The following ZDHHC11 variants were observed in gnomAD, a reference collection of about 807,000 sequenced individuals.
ZDHHC11 encodes the protein zDHHC palmitoyltransferase 11.
ZDHHC11 carries 44 observed loss-of-function variants against 51.3 expected under a neutral mutation model. The ratio of observed to expected loss-of-function variants is 0.86; its 90% CI spans 0.67 to 1.10. ZDHHC11 has a LOEUF of 1.10. ZDHHC11 is among the 50% of genes least tolerant of loss of function. The pLI, the probability that ZDHHC11 is intolerant of heterozygous loss-of-function variation, is 0.00. For missense variants in ZDHHC11, 400 were observed against 537.7 expected, an observed-to-expected ratio of 0.74 and a Z score of 2.53; for synonymous variants, 163 against 222.0, an observed-to-expected ratio of 0.73 and a Z score of 2.36.
At chr5:840,810 C>T (rs1183759556) in intron 4 of ZDHHC11, 160 bp from the exon 5 acceptor site, 2 of 1,498,186 alleles carry the variant, frequency 1.3e-6, no homozygotes, top group Non-Finnish European at 9.0e-7. Flanking sequence ...TACCTGAGTG[C>T]CCCGTAGGCC....
At position 837,632 on chromosome 5, in the gene ZDHHC11, G is replaced by C. The variant is rs1744081064; in HGVS notation, c.785-152C>G. ...CCACCATGCAGGCCCTGTGAGGTCA[G>C]GATGAGTGCAGGTGCCTTGTGGGCC... On this transcript the variant is annotated intron_variant, in intron 5 of 12. Transcript: ENST00000283441. 4.9e-6 allele frequency: 4 copies of C among 823,758 alleles called. 1 individual carries two copies. Among genetic ancestry groups the C allele is most frequent in the Non-Finnish European group, 7.8e-6 (4 of 511,002 alleles). 51.0% of individuals were successfully genotyped at this position (823,758 alleles called of 1,614,324 possible).
chr5:812,873 T>C (rs1217538901), intron 11 of ZDHHC11, among the ~76,000 whole-genome samples: 43 of 150,752 alleles, frequency 2.9e-4, no homozygotes, highest in African/African-American at 1.0e-3. Flanking sequence ...CACATCTATA[T>C]GAAACGTCAT....
intron 12 of ZDHHC11, among the ~76,000 whole-genome samples, chr5:799,917 T>C (rs1738170123): frequency 6.6e-6 from 1 of 151,486 alleles, no homozygotes; most frequent in South Asian, 2.1e-4. Flanking sequence ...TTGTCTCCAA[T>C]TATGATTTTG....
chr5:852,282 G>A (rs768037028), upstream of ZDHHC11, among the ~76,000 whole-genome samples: 1 of 152,208 alleles, frequency 6.6e-6, no homozygotes, highest in African/African-American at 2.4e-5. Context: ...GAATCGCTCA[G>A]CGGCCTTGAG....
intron 8 of ZDHHC11, among the ~76,000 whole-genome samples, chr5:822,675 T>C (rs1345109356): frequency 6.6e-6 from 1 of 151,380 alleles, no homozygotes; most frequent in East Asian, 1.9e-4. Flanking sequence ...TCACCTTTTT[T>C]TATTTATATT....
chr5:848,488 A>G lies in ZDHHC11; in HGVS notation c.395T>C (p.Val132Ala), dbSNP rs1746604377. The part of the protein sequence containing the change: ...IQNQFCHLCK[V>A]TVNKKTKHCI... ...GGCGAGGGCGGGCACTCACACGGTG[A>G]CCTTGCACAGGTGGCAGAACTGATT... The change falls in exon 2 of 13, where the codon GTC becomes GCC. Residue 132 changes from valine to alanine, a missense_variant. By Grantham distance (64) the Val-to-Ala change is moderately conservative (BLOSUM62 0). This residue lies in a region of ZDHHC11 where 22 missense variants were observed against 81.0 expected (regional missense o/e 0.27). Transcript: ENST00000283441. 1.4e-6 allele frequency: 2 copies of G among 1,416,640 alleles called. No homozygotes were observed. 87.8% of individuals were successfully genotyped at this position (1,416,640 alleles called of 1,614,324 possible). A position where few individuals can be genotyped will look rare whatever the true frequency, so the allele number is the denominator to read the frequency against.
chr5:848,498 G>C lies in ZDHHC11; in HGVS notation c.385C>G (p.Leu129Val), dbSNP rs1579802079. The change falls in exon 2 of 13, where the codon CTG becomes GTG. Residue 129 changes from leucine (L) to valine (V), a missense_variant. By Grantham distance (32) the Leu-to-Val change is conservative. Transcript: ENST00000283441. The stretch of plus-strand genomic sequence containing the variant: ...GGCACTCACACGGTGACCTTGCACA[G>C]GTGGCAGAACTGATTCTGGATCACG... ...AHVIQNQFCH[L>V]CKVTVNKKTK... is the part of the protein sequence containing the mutation. 1.4e-6 allele frequency: 2 copies of C among 1,448,552 alleles called. No individual in the cohort carries two copies. The highest frequency in any genetic ancestry group is 5.0e-5 in the East Asian group (2 of 39,968). 89.7% of individuals were successfully genotyped at this position (1,448,552 alleles called of 1,614,324 possible). A position where few individuals can be genotyped will look rare whatever the true frequency, so the allele number is the denominator to read the frequency against.
In ZDHHC11 at chr5:850,886, C is replaced by G; in HGVS notation, c.-284G>C. On this transcript the variant is annotated 5_prime_UTR_variant, in exon 1 of 13. Transcript: ENST00000283441. ...ACGGCTCTCCAGGGTGTGGAGGACC[C>G]AGTGCCCGCGCGACCGCCCATCAGT... 2 of 550,802 alleles carry G rather than the reference C, an allele frequency of 3.6e-6. No homozygotes were observed. The highest frequency in any genetic ancestry group is 4.9e-5 in the South Asian group (2 of 40,896). The allele number at this position is 550,802 out of a possible 1,614,324, so 34.1% of individuals were successfully genotyped here.
intron 8 of ZDHHC11, among the ~76,000 whole-genome samples, chr5:824,554 T>C (rs1192432434): frequency 3.3e-5 from 5 of 151,494 alleles, no homozygotes; most frequent in African/African-American, 1.2e-4. Flanking sequence ...GCCGCGCTGG[T>C]CTTTTCCTGT....
At chr5:851,822 G>A (rs567925069), upstream of ZDHHC11, among the ~76,000 whole-genome samples, 141 of 152,316 alleles carry the variant, frequency 9.3e-4, 1 homozygote, top group African/African-American at 3.3e-3. Flanking sequence ...GTGGGAAGCC[G>A]AGGCGTGCCT....
At chr5:818,173 C>A (rs1377092518) in intron 10 of ZDHHC11, among the ~76,000 whole-genome samples, 1 of 151,230 alleles carries the variant, frequency 6.6e-6, no homozygotes, top group East Asian at 1.9e-4. Context: ...GTCATCTACA[C>A]CGAGATGCTG....
At chr5:837,224 C>CA (rs1312980854) in intron 6 of ZDHHC11, 141 bp downstream of exon 6, 1 of 921,262 alleles carries the variant, frequency 1.1e-6, no homozygotes, top group East Asian at 2.4e-5. Context: ...CACAGAGCCT[C>CA]ACACACAGAC....
chr5:802,825 C>CAAAAAAAAA lies in ZDHHC11; in HGVS notation c.1182-1670_1182-1662dup, dbSNP rs70957306. On this transcript the variant is annotated intron_variant, in intron 11 of 12. Transcript: ENST00000283441. ...TGTCTCTACTAAAAATACAAAAATA[C>CAAAAAAAAA]AAAAAAAAAAAAAAAAAAAAAAAAA... Among the ~76,000 whole-genome samples the CAAAAAAAAA allele has an allele frequency of 3.7e-4, 7 of 19,116 alleles. 3 individuals are homozygous for CAAAAAAAAA. Among genetic ancestry groups the CAAAAAAAAA allele is most frequent in the East Asian group, 2.7e-3 (3 of 1,100 alleles). The allele number at this position is 19,116 out of a possible 152,430, so 12.5% of individuals were successfully genotyped here.
In ZDHHC11 at chr5:850,490, AG is replaced by A. The variant is rs764747801; in HGVS notation, c.112del (p.Leu38CysfsTer7). ...ISRVNGWSLPLHYFQVVTWAV... is the reference protein window; with the variant it reads ...ISRVNGWSLPXHYFQVVTWAV... ...CCAGGTCACCACCTGGAAGTAGTGC[AG>A]GGGTAACGACCAGCCGTTCACTCTG... On this transcript the variant is annotated frameshift_variant, in exon 1 of 13. Transcript: ENST00000283441. LOFTEE classifies it high-confidence loss of function. 2.5e-6 allele frequency: 4 copies of A among 1,613,592 alleles called. No homozygotes were observed. In the African/African-American group the frequency reaches 5.3e-5, roughly 22 times the overall value.
chr5:849,923 G>A (rs1746888007), intron 1 of ZDHHC11: 2 of 168,920 alleles, frequency 1.2e-5, no homozygotes, highest in Admixed American at 5.7e-5. Flanking sequence ...GTTCAGGGTT[G>A]ACAGCCATCT....
In ZDHHC11 at chr5:825,236, G is replaced by T; in HGVS notation, c.951C>A (p.Ser317Arg). Residue 317 changes from serine to arginine, a missense_variant, in exon 8 of 13, where the codon AGC (serine) becomes AGA (arginine). This residue lies in a region of ZDHHC11 where 231 missense variants were observed against 227.4 expected (regional missense o/e 1.02). Transcript: ENST00000283441. ...ATAAGTGCTTGTGAATCAGCAGGGA[G>T]CTCTTGGCTTTGACTCTGGTGGGAC... ...GSSAQGVKAK[S>R]SLLIHKHLCH... is the part of the protein sequence containing the mutation. 3.7e-6 allele frequency: 6 copies of T among 1,612,714 alleles called. No individual in the cohort carries two copies. The highest frequency in any genetic ancestry group is 5.1e-6 in the Non-Finnish European group (6 of 1,179,100).
At chr5:857,092 C>T (rs1035943638) in intron 1 of ZDHHC11, among the ~76,000 whole-genome samples, 3 of 152,208 alleles carry the variant, frequency 2.0e-5, no homozygotes, top group African/African-American at 7.2e-5. Context: ...CACTCCCACA[C>T]ACAATTCAAG....
intron 11 of ZDHHC11, among the ~76,000 whole-genome samples, chr5:812,473 C>G (rs1436445458): frequency 6.6e-6 from 1 of 151,468 alleles, no homozygotes; most frequent in Non-Finnish European, 1.5e-5. Flanking sequence ...AAGAGAATGA[C>G]AATATGTTCA....
intron 3 of ZDHHC11, among the ~76,000 whole-genome samples, chr5:844,571 G>A (rs1285552336): frequency 2.8e-4 from 43 of 152,302 alleles, no homozygotes; most frequent in African/African-American, 1.0e-3. Flanking sequence ...CTGTGCTGGG[G>A]TCTCCATGGC....
Sources: gnomAD v4.1 joint callset for allele counts (sites outside exome capture counted in the v4.1 genomes callset) on GRCh38, gnomAD v4.1.1 for gene constraint, gnomAD v4.1.1 regional missense constraint, MANE v1.5 for transcripts, NCBI Gene and HGNC (gene_info 2026-07-23, HGNC 2026-07-21) for gene names.